The following VRK3 variants were observed in gnomAD, a reference collection of about 807,000 sequenced individuals.
VRK3 encodes serine/threonine-protein kinase VRK3.
VRK3 carries 50 observed loss-of-function variants against 60.4 expected under a neutral mutation model. The observed-to-expected ratio is 0.83, with a 90% CI of 0.66 to 1.05. The LOEUF is 1.05. VRK3 is among the 50% of genes least tolerant of loss of function. The probability of loss-of-function intolerance (pLI) is 0.00; values close to 1 mark genes in which losing one functional copy is unlikely to be tolerated. For synonymous variants in VRK3, 246 were observed against 227.8 expected, an observed-to-expected ratio of 1.08 and a Z score of -0.72; for missense variants, 549 against 585.3, an observed-to-expected ratio of 0.94 and a Z score of 0.64.
At chr19:49,977,812 T>C (rs1308064641) in intron 14 of VRK3, among the ~76,000 whole-genome samples, 1 of 151,996 alleles carries the variant, frequency 6.6e-6, no homozygotes, top group Non-Finnish European at 1.5e-5. Flanking sequence ...GTCATGACTT[T>C]ACTCTCGGCA....
At chr19:50,020,227 G>A (rs923935453) in intron 2 of VRK3, among the ~76,000 whole-genome samples, 1 of 152,142 alleles carries the variant, frequency 6.6e-6, no homozygotes, top group African/African-American at 2.4e-5. Context: ...TTTTAGTAGA[G>A]ATGGGGTTTC....
At chr19:50,010,059 TACAC>T (rs58061544) in intron 3 of VRK3, among the ~76,000 whole-genome samples, 4 of 150,996 alleles carry the variant, frequency 2.6e-5, no homozygotes, top group Non-Finnish European at 5.9e-5. Flanking sequence ...TATATATATA[TACAC>T]ACACACACAC....
chr19:50,023,299 C>T (rs1374974514), intron 1 of VRK3, among the ~76,000 whole-genome samples: 2 of 152,214 alleles, frequency 1.3e-5, no homozygotes, highest in Non-Finnish European at 2.9e-5. Context: ...GATTCTCCTG[C>T]CTCAGCCTCC....
At chr19:50,006,340 T>A (rs940070334) in intron 5 of VRK3, among the ~76,000 whole-genome samples, 1 of 149,428 alleles carries the variant, frequency 6.7e-6, no homozygotes, top group Non-Finnish European at 1.5e-5. Context: ...ATAATAATAA[T>A]AAAAGAATAA....
chr19:49,976,957 A>C lies in VRK3; in HGVS notation c.*12-173T>G, dbSNP rs570595498. Among the ~76,000 whole-genome samples the C allele has an allele frequency of 2.2e-4, 33 of 152,192 alleles. No individual in the cohort carries two copies. In the South Asian group the frequency reaches 2.3e-3, roughly 11 times the overall value. Reference sequence around the variant, plus strand: ...CCCTGCTGGGCTTAGGATGAGGAGGAGGCGGGTGGAGACTACACACTAAAC... The same window carrying C: ...CCCTGCTGGGCTTAGGATGAGGAGGCGGCGGGTGGAGACTACACACTAAAC... On this transcript the variant is annotated intron_variant, in intron 14 of 14. Transcript: ENST00000316763.
intron 5 of VRK3, among the ~76,000 whole-genome samples, chr19:50,003,679 T>C (rs1461974496): frequency 6.6e-6 from 1 of 152,260 alleles, no homozygotes; most frequent in Admixed American, 6.5e-5. Flanking sequence ...GTTCTTGTTG[T>C]TTTACTGTTA....
At chr19:49,982,766 C>T (rs59324729) in intron 12 of VRK3, among the ~76,000 whole-genome samples, 7,921 of 152,230 alleles carry the variant, frequency 0.052, 682 homozygotes, top group African/African-American at 0.18. Context: ...CACACATACA[C>T]ATATATGTAT....
At chr19:50,014,264 T>TA (rs146258686) in intron 3 of VRK3, among the ~76,000 whole-genome samples, 11 of 150,144 alleles carry the variant, frequency 7.3e-5, no homozygotes, top group Admixed American at 4.0e-4. Context: ...CGAGACTGTT[T>TA]AAAAAAAAAC....
chr19:49,979,270 G>T (rs775687915), intron 13 of VRK3, 28 bp from the exon 14 acceptor site: 52 of 1,613,736 alleles, frequency 3.2e-5, no homozygotes, highest in Non-Finnish European at 4.4e-5. Context: ...CCCAGCAAGG[G>T]AGAGCCTGAG....
At chr19:49,994,672 T>C (rs1186880654) in intron 9 of VRK3, 142 bp downstream of exon 9, 4 of 753,610 alleles carry the variant, frequency 5.3e-6, no homozygotes, top group Non-Finnish European at 4.3e-6. Flanking sequence ...TCTAACCGCC[T>C]GCCATGGCAG....
At chr19:49,989,862 C>A in intron 10 of VRK3, 91 bp from the exon 11 acceptor site, 2 of 1,421,926 alleles carry the variant, frequency 1.4e-6, no homozygotes, top group Admixed American at 4.9e-5. Context: ...AACAAACATT[C>A]TACCAAAGAT....
At position 49,992,983 on chromosome 19, in the gene VRK3, G is replaced by A. The variant is rs754686112; in HGVS notation, c.871-31C>T. ...GGAAGAAGCAAGTCAGTGTCTGCAT[G>A]AGCAGTACGACTAACACAGAGAGGC... On this transcript the variant is annotated intron_variant, in intron 9 of 14. Coordinates refer to ENST00000316763, the MANE Select transcript of VRK3 (RefSeq NM_016440.4). The A allele has an allele frequency of 4.4e-6, 7 of 1,591,754 alleles. No individual in the cohort carries two copies. The South Asian group carries it at 5.5e-5, about 13-fold the overall frequency.
intron 1 of VRK3, among the ~76,000 whole-genome samples, chr19:50,021,227 A>G (rs1243885453): frequency 2.0e-5 from 3 of 152,190 alleles, no homozygotes; most frequent in Admixed American, 1.3e-4. Context: ...AGCAGGTCAC[A>G]TGACTATTTC....
At chr19:49,981,163 C>G (rs1461414014) in intron 12 of VRK3, 150 bp from the exon 13 acceptor site, 1 of 730,038 alleles carries the variant, frequency 1.4e-6, no homozygotes, top group Non-Finnish European at 2.4e-6. Context: ...TCACTGTGAA[C>G]ACTGAATCAA....
Position 50,007,599 on chromosome 19 carries a change from T to G in VRK3, c.517A>C (p.Thr173Pro), listed in dbSNP as rs753678477. The change falls in exon 5 of 15, where the codon ACC becomes CCC. Residue 173 changes from threonine (T) to proline (P), a missense_variant. Coordinates refer to ENST00000316763, the MANE Select transcript of VRK3 (RefSeq NM_016440.4). ...GRQWKLKSFQ[T>P]RDNQGILYEA... is the part of the protein sequence containing the mutation. ...TAGAGAATGCCCTGGTTGTCCCTGG[T>G]CTGGAAGGACTTCAGCTTCCACTGT... 1.9e-6 allele frequency: 3 copies of G among 1,614,214 alleles called. No homozygotes were observed. Among genetic ancestry groups the G allele is most frequent in the Non-Finnish European group, 2.5e-6 (3 of 1,180,054 alleles).
chr19:49,978,961 C>T (rs1470030911), intron 14 of VRK3, 122 bp downstream of exon 14: 1 of 1,071,262 alleles, frequency 9.3e-7, no homozygotes, highest in Admixed American at 3.1e-5. Flanking sequence ...CCAGTGTCTC[C>T]CTGGGAAGCT....
In VRK3 at chr19:49,988,563, C is replaced by A. The variant is rs955749419; in HGVS notation, c.1097-71G>T. The A allele has an allele frequency of 1.6e-5, 25 of 1,560,938 alleles. No homozygotes were observed. The Middle Eastern group carries it at 8.6e-4, about 54-fold the overall frequency. On this transcript the variant is annotated intron_variant, in intron 11 of 14. Transcript: ENST00000316763. ...ACTCACTGGTGGGTCCACCCCCCTT[C>A]CTTCCCCTCTCTCTCACTGACTCAA...
intron 10 of VRK3, among the ~76,000 whole-genome samples, chr19:49,990,026 A>AT (rs896796134): frequency 0.017 from 2,564 of 148,116 alleles, 72 homozygotes; most frequent in African/African-American, 0.059. Context: ...TCATTCCAAA[A>AT]TTTTTTTTTT....
chr19:50,023,390 G>T (rs2077202641), intron 1 of VRK3, among the ~76,000 whole-genome samples: 1 of 152,172 alleles, frequency 6.6e-6, no homozygotes, highest in Admixed American at 6.5e-5. Flanking sequence ...TCACCATGTT[G>T]GCCAGGCTGG....
Sources: allele counts gnomAD v4.1 joint callset (sites outside exome capture counted in the v4.1 genomes callset), GRCh38; gene constraint gnomAD v4.1.1; transcripts MANE v1.5; gene names NCBI Gene and HGNC (gene_info 2026-07-23, HGNC 2026-07-21).